The following UBE2E3 variants were observed in gnomAD, a reference collection of about 807,000 sequenced individuals.
The protein encoded by UBE2E3 is ubiquitin conjugating enzyme E2 E3, also known as ubiquitin-conjugating enzyme E2 E3.
Under a neutral mutation model 23.6 loss-of-function variants are expected in UBE2E3, and 5 were observed. The observed-to-expected ratio is 0.21, with a 90% confidence interval of 0.11 to 0.44. The LOEUF (loss-of-function observed/expected upper bound fraction) is 0.44. Among genes scored for constraint, UBE2E3 ranks in the 20% least tolerant of loss-of-function variants. The pLI, the probability that UBE2E3 is intolerant of heterozygous loss-of-function variation, is 0.99. For missense variants in UBE2E3, 81 were observed against 249.8 expected (o/e 0.32, Z 4.55); for synonymous variants, 78 against 87.5 (o/e 0.89, Z 0.60).
chr2:181,025,248 A>G (rs953786888), intron 3 of UBE2E3, among the ~76,000 whole-genome samples: 4 of 151,926 alleles, frequency 2.6e-5, no homozygotes, highest in Non-Finnish European at 5.9e-5. Context: ...CCACTAGCCT[A>G]CTCTCTTAAA....
rs1431009419 is a variant in UBE2E3 at position 181,006,011 on chromosome 2, C to T, written c.245+21918C>T. On this transcript the variant is annotated intron_variant, in intron 3 of 5. Transcript: ENST00000410062. The stretch of plus-strand genomic sequence containing the variant: ...AGCCAAGAGCTGCTGATGTAAACAC[C>T]AGTTTATGGGCTAAGGACTGGGAGG... 2.0e-5 allele frequency among the ~76,000 whole-genome samples: 3 copies of T among 152,120 alleles called. No individual in the cohort carries two copies. In the East Asian group the frequency reaches 5.8e-4, roughly 29 times the overall value.
At position 181,062,770 on chromosome 2, in the gene UBE2E3, A is replaced by T. The variant is rs1228784715; in HGVS notation, c.527-21A>T. The T allele has an allele frequency of 3.3e-6, 5 of 1,506,264 alleles. No homozygotes were observed. The South Asian group carries it at 5.8e-5, about 17-fold the overall frequency. The allele number at this position is 1,506,264 out of a possible 1,614,324, so 93.3% of individuals were successfully genotyped here. ...AGAAGATACCACAAAATAGCTTTTAATGTTCTTTCTGCTTTTCCAGCGGAT... is the reference window on the plus strand; with the variant it reads ...AGAAGATACCACAAAATAGCTTTTATTGTTCTTTCTGCTTTTCCAGCGGAT... On this transcript the variant is annotated intron_variant, in intron 5 of 5. Transcript: ENST00000410062.
chr2:181,025,997 G>A (rs1685870567), intron 3 of UBE2E3, among the ~76,000 whole-genome samples: 3 of 151,866 alleles, frequency 2.0e-5, no homozygotes, highest in Non-Finnish European at 4.4e-5. Context: ...CAAAACATAC[G>A]TTAAATGTTG....
At chr2:180,988,001 C>A (rs943267926) in intron 3 of UBE2E3, among the ~76,000 whole-genome samples, 1 of 152,148 alleles carries the variant, frequency 6.6e-6, no homozygotes, top group African/African-American at 2.4e-5. Context: ...CAGATCCATG[C>A]TCTGTCACTA....
intron 3 of UBE2E3, among the ~76,000 whole-genome samples, chr2:180,987,154 G>A (rs968351631): frequency 6.6e-6 from 1 of 152,068 alleles, no homozygotes; most frequent in Non-Finnish European, 1.5e-5. Flanking sequence ...ACTAAACATA[G>A]GGATATGTTT....
At chr2:181,028,966 T>C (rs900852642) in intron 3 of UBE2E3, among the ~76,000 whole-genome samples, 2 of 152,150 alleles carry the variant, frequency 1.3e-5, no homozygotes, top group African/African-American at 2.4e-5. Flanking sequence ...TATTTTTTTT[T>C]CAAAGGCTTG....
At chr2:180,992,621 G>A (rs1056390902) in intron 3 of UBE2E3, among the ~76,000 whole-genome samples, 3 of 152,006 alleles carry the variant, frequency 2.0e-5, no homozygotes, top group Admixed American at 1.3e-4. Context: ...TCAGCCTTCC[G>A]AGTAGCTGGG....
chr2:181,034,377 G>A (rs958876135), intron 3 of UBE2E3, among the ~76,000 whole-genome samples: 3 of 152,168 alleles, frequency 2.0e-5, no homozygotes, highest in Admixed American at 6.5e-5. Flanking sequence ...GTCCTTTGTA[G>A]GGACATGGAT....
intron 3 of UBE2E3, among the ~76,000 whole-genome samples, chr2:181,043,566 A>G (rs1686578125): frequency 6.6e-6 from 1 of 152,200 alleles, no homozygotes; most frequent in African/African-American, 2.4e-5. Context: ...AAAAAAGTTA[A>G]CACTTCTGGT....
intron 3 of UBE2E3, among the ~76,000 whole-genome samples, chr2:181,012,995 A>C (rs561538149): frequency 6.6e-6 from 1 of 152,150 alleles, no homozygotes; most frequent in South Asian, 2.1e-4. Flanking sequence ...CATGCACATT[A>C]ATTTTTTTAT....
At chr2:181,034,375 T>C (rs534828798) in intron 3 of UBE2E3, among the ~76,000 whole-genome samples, 2 of 152,230 alleles carry the variant, frequency 1.3e-5, no homozygotes, top group Non-Finnish European at 1.5e-5. Flanking sequence ...ATGTCCTTTG[T>C]AGGGACATGG....
intron 3 of UBE2E3, among the ~76,000 whole-genome samples, chr2:181,041,020 C>T (rs192104743): frequency 1.2e-3 from 185 of 152,010 alleles, no homozygotes; most frequent in Admixed American, 2.9e-3. Context: ...GAGACCCAGG[C>T]GGGCGAATCA....
At chr2:181,021,461 T>C (rs953500696) in intron 3 of UBE2E3, among the ~76,000 whole-genome samples, 2 of 119,450 alleles carry the variant, frequency 1.7e-5, no homozygotes, top group Admixed American at 1.7e-4. Context: ...CCCTCTCTCT[T>C]TCTTTTTCTC....
At chr2:180,988,037 C>T (rs562640333) in intron 3 of UBE2E3, among the ~76,000 whole-genome samples, 1 of 152,258 alleles carries the variant, frequency 6.6e-6, no homozygotes, top group African/African-American at 2.4e-5. Context: ...ACCTTAGATA[C>T]ATTTTGGAAT....
intron 3 of UBE2E3, among the ~76,000 whole-genome samples, chr2:181,012,688 A>C (rs968439944): frequency 6.6e-6 from 1 of 152,194 alleles, no homozygotes; most frequent in African/African-American, 2.4e-5. Context: ...CAAAATATAC[A>C]TATACCCATA....
Position 181,044,009 on chromosome 2 carries a change from T to G in UBE2E3, c.246-13684T>G, listed in dbSNP as rs12612278. Reference sequence around the variant, plus strand: ...AAACTTTTATTCACGTCTCTGTTTTTTGTCCTAGGATAGCTTCTTGGATGT... The same window carrying G: ...AAACTTTTATTCACGTCTCTGTTTTGTGTCCTAGGATAGCTTCTTGGATGT... On this transcript the variant is annotated intron_variant, in intron 3 of 5. Coordinates refer to ENST00000410062, the MANE Select transcript of UBE2E3 (RefSeq NM_006357.4). Among the ~76,000 whole-genome samples, 32 of 152,288 alleles carry G rather than the reference T, an allele frequency of 2.1e-4. 1 individual carries two copies. The East Asian group carries it at 6.2e-3, about 29-fold the overall frequency.
intron 3 of UBE2E3, among the ~76,000 whole-genome samples, chr2:180,992,756 G>T (rs1181011147): frequency 2.0e-5 from 3 of 152,122 alleles, no homozygotes; most frequent in African/African-American, 7.2e-5. Context: ...CTGCCTCCCG[G>T]GTTCAAGCAA....
chr2:181,038,802 A>C (rs1686382123), intron 3 of UBE2E3, among the ~76,000 whole-genome samples: 2 of 152,240 alleles, frequency 1.3e-5, no homozygotes, highest in Admixed American at 1.3e-4. Context: ...TTACTGATGA[A>C]GCTGTATGAA....
At chr2:181,057,185 A>G (rs541808152) in intron 3 of UBE2E3, among the ~76,000 whole-genome samples, 1 of 151,974 alleles carries the variant, frequency 6.6e-6, no homozygotes, top group South Asian at 2.1e-4. Context: ...TTAAAAGGGT[A>G]TTACCGAATC....
Sources: allele counts gnomAD v4.1 joint callset (sites outside exome capture counted in the v4.1 genomes callset), GRCh38; gene constraint gnomAD v4.1.1; transcripts MANE v1.5; gene names NCBI Gene and HGNC (gene_info 2026-07-23, HGNC 2026-07-21).